The following RBFOX3 variants were observed in gnomAD, a reference collection of about 807,000 sequenced individuals.
The protein encoded by RBFOX3 is RNA binding fox-1 homolog 3.
A neutral mutation model predicts 48.7 loss-of-function variants in RBFOX3; 17 were observed. The observed-to-expected ratio is 0.35, with a 90% CI of 0.24 to 0.52. The LOEUF (loss-of-function observed/expected upper bound fraction) is 0.52, where lower values mean the gene tolerates loss of function less well. Among genes scored for constraint, RBFOX3 ranks in the 20% least tolerant of loss-of-function variants. The pLI, the probability that RBFOX3 is intolerant of heterozygous loss-of-function variation, is 0.94. For missense variants in RBFOX3, 382 were observed against 497.5 expected (o/e 0.77, Z 2.21); for synonymous variants, 212 against 209.5 (o/e 1.01, Z -0.10).
At chr17:79,626,638 C>T in the RBFOX3 span, among the ~76,000 whole-genome samples, 3 of 152,192 alleles carry the variant, frequency 2.0e-5, no homozygotes, top group Non-Finnish European at 2.9e-5. Flanking sequence ...TCTGTGACTA[C>T]TCTCCCACCG....
chr17:79,298,562 G>C (rs928958058), intron 3 of RBFOX3: 1 of 152,252 alleles, frequency 6.6e-6, no homozygotes, highest in African/African-American at 2.4e-5. Flanking sequence ...CGGCCACCAG[G>C]TCGCCAAGTC....
intron 1 of RBFOX3, among the ~76,000 whole-genome samples, chr17:79,551,939 CTAATA>C (rs1413252237): frequency 3.9e-5 from 6 of 152,220 alleles, no homozygotes; most frequent in African/African-American, 1.4e-4. Context: ...TGCAAATGGA[CTAATA>C]TAATATGCAT....
intron 4 of RBFOX3, among the ~76,000 whole-genome samples, chr17:79,162,151 C>T (rs1369280342): frequency 6.6e-6 from 1 of 152,242 alleles, no homozygotes; most frequent in East Asian, 1.9e-4. Context: ...GCAGCACAAT[C>T]CCAGCTTTAC....
chr17:79,225,622 G>C (rs1223683867), intron 4 of RBFOX3, among the ~76,000 whole-genome samples: 1 of 152,212 alleles, frequency 6.6e-6, no homozygotes, highest in Admixed American at 6.5e-5. Context: ...TCAGCTGCTG[G>C]ATTGACTCTG....
chr17:79,557,025 T>G (rs1180347068), intron 1 of RBFOX3, among the ~76,000 whole-genome samples: 5 of 151,854 alleles, frequency 3.3e-5, no homozygotes, highest in African/African-American at 1.2e-4. Context: ...TGGTGGATCA[T>G]TTGAGGTCAG....
At position 79,229,482 on chromosome 17, in the gene RBFOX3, C is replaced by T. The variant is rs187016863; in HGVS notation, c.-34+6284G>A. On this transcript the variant is annotated intron_variant, in intron 4 of 14. Coordinates refer to ENST00000693108, the MANE Select transcript of RBFOX3 (RefSeq NM_001350451.2). ...GCTGAAGCAGGATAATTGCTTGAAC[C>T]TGGGAGGCAGAGGTTACAGTGAGCT... is the stretch of plus-strand genomic sequence containing the variant. 3.6e-3 allele frequency among the ~76,000 whole-genome samples: 524 copies of T among 145,100 alleles called. 5 individuals carry two copies. Among genetic ancestry groups the T allele is most frequent in the African/African-American group, 0.013 (494 of 39,058 alleles).
intron 2 of RBFOX3, among the ~76,000 whole-genome samples, chr17:79,410,367 G>C (rs2064135752): frequency 1.3e-5 from 2 of 152,196 alleles, no homozygotes; most frequent in South Asian, 4.1e-4. Context: ...TTCCAGGTCA[G>C]CACCTGGTGT....
intron 2 of RBFOX3, among the ~76,000 whole-genome samples, chr17:79,357,118 C>T (rs2085302468): frequency 6.6e-6 from 1 of 152,266 alleles, no homozygotes; most frequent in Non-Finnish European, 1.5e-5. Context: ...CCGCTGGTGA[C>T]AAACTCGGCC....
intron 1 of RBFOX3, among the ~76,000 whole-genome samples, chr17:79,508,135 C>G (rs2083446742): frequency 1.3e-5 from 2 of 152,242 alleles, no homozygotes; most frequent in Non-Finnish European, 2.9e-5. Context: ...GAAACCGGGG[C>G]AGAAAGGAAA....
chr17:79,654,233 G>C, the RBFOX3 span, among the ~76,000 whole-genome samples: 1 of 152,140 alleles, frequency 6.6e-6, no homozygotes, highest in Non-Finnish European at 1.5e-5. Context: ...AGATGGGTGG[G>C]TAACAACCAG....
intron 2 of RBFOX3, among the ~76,000 whole-genome samples, chr17:79,461,878 G>C (rs1259844745): frequency 6.6e-6 from 1 of 152,222 alleles, no homozygotes; most frequent in Non-Finnish European, 1.5e-5. Context: ...AACGCCATGG[G>C]TGGCCAGCAA....
intron 1 of RBFOX3, among the ~76,000 whole-genome samples, chr17:79,543,657 A>T (rs1164352877): frequency 6.6e-6 from 1 of 152,216 alleles, no homozygotes; most frequent in Non-Finnish European, 1.5e-5. Context: ...CGAGCGAGGT[A>T]GATGAAACAC....
At chr17:79,306,121 C>A (rs1171395991) in intron 3 of RBFOX3, among the ~76,000 whole-genome samples, 1 of 152,256 alleles carries the variant, frequency 6.6e-6, no homozygotes, top group Non-Finnish European at 1.5e-5. Flanking sequence ...CAGAAAACAT[C>A]CTGACCCGAG....
At chr17:79,181,230 G>A (rs965982424) in intron 4 of RBFOX3, among the ~76,000 whole-genome samples, 2 of 152,214 alleles carry the variant, frequency 1.3e-5, no homozygotes, top group Non-Finnish European at 2.9e-5. Flanking sequence ...CTCCAGACCA[G>A]GACCCTTACT....
At chr17:79,329,216 T>C (rs2079823864) in intron 2 of RBFOX3, among the ~76,000 whole-genome samples, 1 of 152,094 alleles carries the variant, frequency 6.6e-6, no homozygotes, top group Admixed American at 6.5e-5. Flanking sequence ...GAGGGATCCC[T>C]AACATTTCCA....
intron 2 of RBFOX3, among the ~76,000 whole-genome samples, chr17:79,387,938 G>GTACATGTGTGCATGTACA (rs1192779186): frequency 1.3e-5 from 2 of 152,040 alleles, no homozygotes; most frequent in Non-Finnish European, 2.9e-5. Flanking sequence ...GTGTGCATGT[G>GTACATGTGTGCATGTACA]TACATGTGTG....
intron 1 of RBFOX3, among the ~76,000 whole-genome samples, chr17:79,525,404 G>A (rs1196396246): frequency 2.6e-5 from 4 of 152,206 alleles, no homozygotes; most frequent in Non-Finnish European, 5.9e-5. Flanking sequence ...AGGGCCTCTT[G>A]TACTCATTAC....
intron 2 of RBFOX3, among the ~76,000 whole-genome samples, chr17:79,460,027 C>T (rs2075165914): frequency 6.6e-6 from 1 of 152,118 alleles, no homozygotes; most frequent in Non-Finnish European, 1.5e-5. Flanking sequence ...AGGTTTCACT[C>T]CATTTCTACA....
chr17:79,275,455 C>T (rs955210729), intron 3 of RBFOX3, among the ~76,000 whole-genome samples: 2 of 152,140 alleles, frequency 1.3e-5, no homozygotes, highest in Admixed American at 1.3e-4. Context: ...CTAATGGTCC[C>T]CCCCCAACCT....
Sources: gnomAD v4.1 joint callset for allele counts (sites outside exome capture counted in the v4.1 genomes callset) on GRCh38, gnomAD v4.1.1 for gene constraint, MANE v1.5 for transcripts, NCBI Gene and HGNC (gene_info 2026-07-23, HGNC 2026-07-21) for gene names.